NRG3: variants seen among roughly 807,000 people sequenced by gnomAD.
NRG3 encodes the protein neuregulin 3, also known as pro-neuregulin-3, membrane-bound isoform.
Under a neutral mutation model 66.9 loss-of-function variants are expected in NRG3, and 31 were observed. The ratio of observed to expected loss-of-function variants is 0.46; its 90% CI spans 0.35 to 0.63. The LOEUF is 0.63. NRG3 is among the 20% of genes least tolerant of loss of function. The pLI is 0.00. For missense variants in NRG3, 910 were observed against 878.9 expected, an observed-to-expected ratio of 1.04 and a Z score of -0.45; for synonymous variants, 393 against 359.4, an observed-to-expected ratio of 1.09 and a Z score of -1.06.
chr10:82,005,284 A>G lies in NRG3; in HGVS notation c.823+129121A>G, dbSNP rs572920431. 2.6e-5 allele frequency among the ~76,000 whole-genome samples: 4 copies of G among 152,364 alleles called. No homozygotes were observed. In the South Asian group the frequency reaches 8.3e-4, roughly 32 times the overall value. On this transcript the variant is annotated intron_variant, in intron 1 of 8. Coordinates refer to ENST00000372141, the MANE Select transcript of NRG3 (RefSeq NM_001010848.4). Reference sequence around the variant, plus strand: ...CCAAAAGCTACATTTCTCTGCAAATATAGATTCTAGTGTGTTCTGAAATAA... The same window carrying G: ...CCAAAAGCTACATTTCTCTGCAAATGTAGATTCTAGTGTGTTCTGAAATAA...
intron 1 of NRG3, among the ~76,000 whole-genome samples, chr10:82,219,523 A>G (rs183762954): frequency 1.3e-5 from 2 of 152,072 alleles, no homozygotes; most frequent in Non-Finnish European, 2.9e-5. Context: ...TTCTTGCATG[A>G]TTATTTTTTG....
At chr10:82,192,078 T>G (rs749970140) in intron 1 of NRG3, among the ~76,000 whole-genome samples, 1 of 152,176 alleles carries the variant, frequency 6.6e-6, no homozygotes, top group Non-Finnish European at 1.5e-5. Flanking sequence ...TTTTCAAACT[T>G]CCGTACTTCC....
At chr10:82,368,924 G>C (rs944464146) in intron 2 of NRG3, among the ~76,000 whole-genome samples, 5 of 138,298 alleles carry the variant, frequency 3.6e-5, no homozygotes, top group South Asian at 2.2e-4. Flanking sequence ...TGGCTCAGCT[G>C]TTCTGTGGAC....
chr10:82,545,306 T>G (rs2043816955), intron 2 of NRG3, among the ~76,000 whole-genome samples: 1 of 152,108 alleles, frequency 6.6e-6, no homozygotes, highest in Non-Finnish European at 1.5e-5. Context: ...CTTAAATTAT[T>G]ATTATAATTC....
At chr10:82,260,094 T>C (rs768574796) in intron 1 of NRG3, among the ~76,000 whole-genome samples, 1 of 152,232 alleles carries the variant, frequency 6.6e-6, no homozygotes, top group Non-Finnish European at 1.5e-5. Flanking sequence ...AAAAGTTGCC[T>C]AGACAGGGTT....
At chr10:82,536,535 G>T (rs1258906046) in intron 2 of NRG3, among the ~76,000 whole-genome samples, 1 of 152,016 alleles carries the variant, frequency 6.6e-6, no homozygotes. Context: ...GAAGGTTATG[G>T]TAATTTTTTT....
chr10:82,958,211 C>A (rs533106330), intron 5 of NRG3, among the ~76,000 whole-genome samples: 2 of 152,302 alleles, frequency 1.3e-5, no homozygotes, highest in African/African-American at 4.8e-5. Context: ...GTTGGCTGGG[C>A]TGAGATCCAA....
chr10:82,653,641 G>GT (rs149142653), intron 2 of NRG3, among the ~76,000 whole-genome samples: 12 of 149,734 alleles, frequency 8.0e-5, no homozygotes, highest in East Asian at 3.9e-4. Flanking sequence ...ACTAGTTCAG[G>GT]TTTTTTTTTA....
chr10:81,947,501 C>T (rs939620554), intron 1 of NRG3, among the ~76,000 whole-genome samples: 3 of 152,088 alleles, frequency 2.0e-5, no homozygotes, highest in African/African-American at 7.2e-5. Context: ...AATAGCAGGG[C>T]CTCACTCTCC....
At chr10:82,351,689 C>T (rs1157344886) in intron 1 of NRG3, among the ~76,000 whole-genome samples, 1 of 152,158 alleles carries the variant, frequency 6.6e-6, no homozygotes, top group Non-Finnish European at 1.5e-5. Context: ...AAAATTTGAG[C>T]AAGTGGAAAA....
At chr10:82,765,895 T>G (rs2059495763) in intron 3 of NRG3, among the ~76,000 whole-genome samples, 1 of 152,206 alleles carries the variant, frequency 6.6e-6, no homozygotes, top group African/African-American at 2.4e-5. Context: ...AAGTCATCTC[T>G]AAGTAATAAA....
intron 1 of NRG3, among the ~76,000 whole-genome samples, chr10:81,901,553 C>T (rs1200624065): frequency 6.6e-6 from 1 of 152,046 alleles, no homozygotes; most frequent in Admixed American, 6.6e-5. Flanking sequence ...CCTATAGTCC[C>T]TATTACTTAG....
chr10:82,433,486 A>G (rs1049632168), intron 2 of NRG3, among the ~76,000 whole-genome samples: 11 of 151,974 alleles, frequency 7.2e-5, no homozygotes, highest in African/African-American at 2.7e-4. Context: ...CCATTTGTCA[A>G]TTTTGGCTCT....
At chr10:82,767,229 T>C (rs2059551601) in intron 3 of NRG3, among the ~76,000 whole-genome samples, 1 of 152,024 alleles carries the variant, frequency 6.6e-6, no homozygotes, top group Non-Finnish European at 1.5e-5. Flanking sequence ...CACCCATCTA[T>C]CACACAAACA....
intron 2 of NRG3, among the ~76,000 whole-genome samples, chr10:82,377,808 C>G (rs1374207484): frequency 6.6e-6 from 1 of 152,168 alleles, no homozygotes; most frequent in African/African-American, 2.4e-5. Flanking sequence ...GTCGTATAAT[C>G]CTGGGAGGCT....
chr10:82,339,045 G>A (rs749556102), intron 1 of NRG3, among the ~76,000 whole-genome samples: 1 of 152,190 alleles, frequency 6.6e-6, no homozygotes, highest in Non-Finnish European at 1.5e-5. Context: ...CTTCAAATAA[G>A]TGAAATGATT....
intron 2 of NRG3, among the ~76,000 whole-genome samples, chr10:82,523,976 C>T (rs1846446620): frequency 6.6e-6 from 1 of 151,908 alleles, no homozygotes; most frequent in Non-Finnish European, 1.5e-5. Flanking sequence ...TCTTGTTTTC[C>T]CTTAAAGTTT....
At chr10:82,668,584 G>C (rs554110893) in intron 2 of NRG3, among the ~76,000 whole-genome samples, 2 of 152,204 alleles carry the variant, frequency 1.3e-5, no homozygotes, top group South Asian at 2.1e-4. Flanking sequence ...ATTTTGATGT[G>C]TCTATTATTA....
intron 1 of NRG3, among the ~76,000 whole-genome samples, chr10:82,345,632 T>G (rs1438106508): frequency 1.7e-4 from 26 of 151,544 alleles, no homozygotes; most frequent in Non-Finnish European, 2.8e-4. Context: ...GGGATGGCAT[T>G]GAATCTATAA....
Sources: allele counts gnomAD v4.1 joint callset (sites outside exome capture counted in the v4.1 genomes callset), GRCh38; gene constraint gnomAD v4.1.1; transcripts MANE v1.5; gene names NCBI Gene and HGNC (gene_info 2026-07-23, HGNC 2026-07-21).